The following MGMT variants were observed in gnomAD, a reference collection of about 807,000 sequenced individuals.
The protein encoded by MGMT is methylated-DNA--protein-cysteine methyltransferase.
MGMT carries 14 observed loss-of-function variants against 15.9 expected under a neutral mutation model. The ratio of observed to expected loss-of-function variants is 0.88; its 90% CI spans 0.58 to 1.37. MGMT has a LOEUF of 1.37. MGMT is among the 40% of genes most tolerant of loss of function. The pLI is 0.00. For missense variants in MGMT, 282 were observed against 268.1 expected (o/e 1.05, Z -0.36); for synonymous variants, 130 against 118.2 (o/e 1.10, Z -0.65).
intron 2 of MGMT, among the ~76,000 whole-genome samples, chr10:129,587,517 G>A (rs1373943154): frequency 2.0e-5 from 3 of 150,168 alleles, no homozygotes. Context: ...TTGAGATGGA[G>A]TCTTGTTCTG....
chr10:129,547,023 G>A (rs1282393398), intron 2 of MGMT, among the ~76,000 whole-genome samples: 5 of 152,178 alleles, frequency 3.3e-5, no homozygotes, highest in Admixed American at 6.5e-5. Flanking sequence ...CAGGGTTGGG[G>A]TGGACAGGAG....
rs959578102 is a variant in MGMT at position 129,720,953 on chromosome 10, A to T, written c.274+12910A>T. ...TTAAATGTCAGGGGGAAAAAAAAAA[A>T]AGCAAGAAAAATATGTAAATAAATA... is the stretch of plus-strand genomic sequence containing the variant. On this transcript the variant is annotated intron_variant, in intron 3 of 4. Coordinates refer to ENST00000651593, the MANE Select transcript of MGMT (RefSeq NM_002412.5). Among the ~76,000 whole-genome samples, 4 of 152,060 alleles carry T rather than the reference A, an allele frequency of 2.6e-5. No homozygotes were observed. In the South Asian group the frequency reaches 8.3e-4, roughly 32 times the overall value.
At chr10:129,644,501 T>C (rs1847363451) in intron 2 of MGMT, among the ~76,000 whole-genome samples, 1 of 152,120 alleles carries the variant, frequency 6.6e-6, no homozygotes. Flanking sequence ...GAGGACTCGA[T>C]TGAAGGGGTC....
intron 3 of MGMT, among the ~76,000 whole-genome samples, chr10:129,752,098 G>A (rs1248069417): frequency 6.6e-6 from 1 of 151,928 alleles, no homozygotes; most frequent in Non-Finnish European, 1.5e-5. Context: ...TGAGAAAGAG[G>A]TGTTTAGGTC....
chr10:129,484,455 A>G (rs990434275), intron 1 of MGMT, among the ~76,000 whole-genome samples: 20 of 152,282 alleles, frequency 1.3e-4, no homozygotes, highest in Admixed American at 3.3e-4. Flanking sequence ...TATGCTCCAT[A>G]TGGGCCTTTT....
chr10:129,671,231 G>T (rs1006296280), intron 2 of MGMT, among the ~76,000 whole-genome samples: 1 of 152,154 alleles, frequency 6.6e-6, no homozygotes, highest in Non-Finnish European at 1.5e-5. Context: ...TGTACTAATT[G>T]TGCTGTTATC....
intron 2 of MGMT, among the ~76,000 whole-genome samples, chr10:129,649,365 G>GA (rs957436771): frequency 4.0e-5 from 6 of 150,914 alleles, no homozygotes; most frequent in African/African-American, 9.7e-5. Context: ...TGCAAACTTA[G>GA]AAAAAAAAAT....
chr10:129,594,188 G>C (rs1846723766), intron 2 of MGMT, among the ~76,000 whole-genome samples: 1 of 152,146 alleles, frequency 6.6e-6, no homozygotes, highest in South Asian at 2.1e-4. Context: ...CCATTCATTT[G>C]GAAGAGGGCG....
In MGMT at chr10:129,770,888, A is replaced by AT. The variant is rs5788996; in HGVS notation, c.*3896dup. Among the ~76,000 whole-genome samples, 136,772 of 151,962 alleles carry AT rather than the reference A, an allele frequency of 0.9. 61,795 individuals are homozygous for AT. Among genetic ancestry groups the AT allele is most frequent in the East Asian group, 1 (5,128 of 5,132 alleles). ...CAAGGCCCTGGGGTGGGGGATTTAA[A>AT]TTTTTGGCTTCCCTCAGACCTCAGA... On this transcript the variant is annotated 3_prime_UTR_variant, in exon 5 of 5. Coordinates refer to ENST00000651593, the MANE Select transcript of MGMT (RefSeq NM_002412.5).
chr10:129,630,920 G>A (rs538878604), intron 2 of MGMT, among the ~76,000 whole-genome samples: 3 of 152,268 alleles, frequency 2.0e-5, no homozygotes, highest in East Asian at 3.9e-4. Context: ...GCTTTATTTT[G>A]TAAATGTTTT....
At chr10:129,703,713 C>A (rs1848125612) in intron 2 of MGMT, among the ~76,000 whole-genome samples, 2 of 152,118 alleles carry the variant, frequency 1.3e-5, no homozygotes, top group Admixed American at 6.5e-5. Context: ...ATCCTGCAGC[C>A]CCAGGTGCCA....
chr10:129,740,308 C>A (rs890902955), intron 3 of MGMT, among the ~76,000 whole-genome samples: 8 of 152,040 alleles, frequency 5.3e-5, no homozygotes, highest in Non-Finnish European at 8.8e-5. Flanking sequence ...CTGCTGAGGT[C>A]CGGTGTTTTT....
rs144638537 is a variant in MGMT at position 129,709,367 on chromosome 10, A to G, written c.274+1324A>G. On this transcript the variant is annotated intron_variant, in intron 3 of 4. Coordinates refer to ENST00000651593, the MANE Select transcript of MGMT (RefSeq NM_002412.5). ...GGGGACCTTGCTCACTGTGCACCTGATGGGCCGGGCACAGGGCAGGATGTT... is the reference window on the plus strand; with the variant it reads ...GGGGACCTTGCTCACTGTGCACCTGGTGGGCCGGGCACAGGGCAGGATGTT... Among the ~76,000 whole-genome samples the G allele has an allele frequency of 2.0e-5, 3 of 152,314 alleles. No homozygotes were observed. In the East Asian group the frequency reaches 5.8e-4, roughly 29 times the overall value.
chr10:129,676,214 G>T (rs528299205), intron 2 of MGMT, among the ~76,000 whole-genome samples: 1 of 152,228 alleles, frequency 6.6e-6, no homozygotes, highest in African/African-American at 2.4e-5. Flanking sequence ...TGGGCCGGAT[G>T]TTACTGAGCC....
chr10:129,598,382 C>A (rs541879877), intron 2 of MGMT, among the ~76,000 whole-genome samples: 1 of 152,084 alleles, frequency 6.6e-6, no homozygotes, highest in Non-Finnish European at 1.5e-5. Context: ...AATCTCTTAG[C>A]GTAGGTGACA....
intron 3 of MGMT, among the ~76,000 whole-genome samples, chr10:129,750,661 G>T (rs1342386576): frequency 6.6e-6 from 1 of 152,064 alleles, no homozygotes; most frequent in African/African-American, 2.4e-5. Flanking sequence ...ATGTGCAAGG[G>T]TTATATGCAA....
At chr10:129,732,037 C>T (rs1291337900) in intron 3 of MGMT, among the ~76,000 whole-genome samples, 1 of 152,212 alleles carries the variant, frequency 6.6e-6, no homozygotes, top group East Asian at 1.9e-4. Flanking sequence ...CTAAAGGGGT[C>T]TCAGTGACCC....
intron 2 of MGMT, among the ~76,000 whole-genome samples, chr10:129,679,546 A>G (rs1847824469): frequency 6.6e-6 from 1 of 152,194 alleles, no homozygotes. Context: ...TTAGTACAAT[A>G]TTTATTAAAA....
intron 2 of MGMT, among the ~76,000 whole-genome samples, chr10:129,614,652 C>T (rs900206213): frequency 3.3e-5 from 5 of 152,184 alleles, no homozygotes; most frequent in African/African-American, 1.2e-4. Flanking sequence ...GACCATTGCA[C>T]TTGGTCTCTT....
Sources: allele counts gnomAD v4.1 joint callset (sites outside exome capture counted in the v4.1 genomes callset), GRCh38; gene constraint gnomAD v4.1.1; transcripts MANE v1.5; gene names NCBI Gene and HGNC (gene_info 2026-07-23, HGNC 2026-07-21).